Variants in RIMS2 observed in about 807,000 individuals in gnomAD.
RIMS2 encodes the protein regulating synaptic membrane exocytosis 2, also known as regulating synaptic membrane exocytosis protein 2.
A neutral mutation model predicts 174.4 loss-of-function variants in RIMS2; 59 were observed. The observed-to-expected ratio is 0.34, with a 90% CI of 0.27 to 0.42. RIMS2 has a LOEUF of 0.42. Among genes scored for constraint, RIMS2 ranks in the 10% least tolerant of loss-of-function variants. RIMS2 has a pLI of 1.00. For missense variants in RIMS2, 1,620 were observed against 1,666.3 expected (o/e 0.97, Z 0.48); for synonymous variants, 606 against 572.5 (o/e 1.06, Z -0.84).
intron 19 of RIMS2, among the ~76,000 whole-genome samples, chr8:104,243,787 C>G (rs1290538776): frequency 6.6e-6 from 1 of 152,122 alleles, no homozygotes; most frequent in Non-Finnish European, 1.5e-5. Context: ...TAGTTAAGCC[C>G]GACAAGAAGT....
chr8:103,838,373 T>C (rs2098917090), intron 3 of RIMS2, among the ~76,000 whole-genome samples: 1 of 152,188 alleles, frequency 6.6e-6, no homozygotes, highest in Admixed American at 6.5e-5. Flanking sequence ...GAAATTGTGA[T>C]TTAGAATTAA....
In RIMS2 at chr8:104,134,321, C is replaced by T. The variant is rs565829696; in HGVS notation, c.3335-110595C>T. Among the ~76,000 whole-genome samples the T allele has an allele frequency of 3.9e-5, 6 of 152,082 alleles. No homozygotes were observed. In the South Asian group the frequency reaches 1.2e-3, roughly 32 times the overall value. On this transcript the variant is annotated intron_variant, in intron 19 of 23. Transcript: ENST00000504942. ...CTCTACTAAAAATACAAAAATTAGC[C>T]GAGCATGGTGTTGAGCGCCTACAAT... is the stretch of plus-strand genomic sequence containing the variant.
chr8:103,656,259 G>A (rs1324263224), intron 1 of RIMS2, among the ~76,000 whole-genome samples: 1 of 151,984 alleles, frequency 6.6e-6, no homozygotes, highest in East Asian at 1.9e-4. Flanking sequence ...ACAGGTTGGA[G>A]GTATAAACTA....
intron 1 of RIMS2, among the ~76,000 whole-genome samples, chr8:103,575,390 T>G (rs2093140428): frequency 6.6e-6 from 1 of 152,096 alleles, no homozygotes; most frequent in Non-Finnish European, 1.5e-5. Flanking sequence ...CTACCAAAGC[T>G]GAACATATGA....
chr8:103,699,809 T>C (rs755022752), intron 2 of RIMS2, among the ~76,000 whole-genome samples: 6 of 152,190 alleles, frequency 3.9e-5, no homozygotes, highest in Non-Finnish European at 8.8e-5. Context: ...AAAAATACTT[T>C]CTCATTTTCC....
exon 19 of RIMS2, chr8:104,014,536 A>T: frequency 6.2e-7 from 1 of 1,612,650 alleles, no homozygotes. Context: ...CTGTCCAGAC[A>T]AGCCCATCAA....
chr8:103,557,595 A>G (rs1374387890), intron 1 of RIMS2, among the ~76,000 whole-genome samples: 1 of 152,192 alleles, frequency 6.6e-6, no homozygotes, highest in Non-Finnish European at 1.5e-5. Context: ...GAATGAAACT[A>G]TCAGATAAAC....
intron 19 of RIMS2, among the ~76,000 whole-genome samples, chr8:104,235,941 A>G (rs1347203948): frequency 6.6e-6 from 1 of 152,102 alleles, no homozygotes. Flanking sequence ...GGATTCAGTC[A>G]AGATTTATTC....
chr8:103,697,421 G>A, intron 2 of RIMS2, 125 bp downstream of exon 4: 1 of 806,968 alleles, frequency 1.2e-6, no homozygotes, highest in South Asian at 1.6e-5. Context: ...ATTTTAAAAT[G>A]CTTGTGGCCA....
chr8:103,514,480 C>T (rs1828004860), intron 1 of RIMS2, among the ~76,000 whole-genome samples: 1 of 152,088 alleles, frequency 6.6e-6, no homozygotes, highest in Admixed American at 6.6e-5. Context: ...TTAATCACAT[C>T]TTAAGTTACA....
At chr8:103,505,360 G>C (rs12114100) in intron 1 of RIMS2, among the ~76,000 whole-genome samples, 1 of 152,050 alleles carries the variant, frequency 6.6e-6, no homozygotes, top group Non-Finnish European at 1.5e-5. Context: ...AATGTGTCCT[G>C]CAGTTTGCTT....
At chr8:103,931,738 A>G (rs985956757) in intron 12 of RIMS2, among the ~76,000 whole-genome samples, 1 of 152,096 alleles carries the variant, frequency 6.6e-6, no homozygotes, top group African/African-American at 2.4e-5. Flanking sequence ...TTAGTCAAAA[A>G]TACTAGCTTT....
chr8:104,042,495 G>C lies in RIMS2; in HGVS notation c.3334+27880G>C, dbSNP rs141479983. Among the ~76,000 whole-genome samples the C allele has an allele frequency of 2.4e-3, 367 of 151,562 alleles. 2 individuals carry two copies. Among genetic ancestry groups the C allele is most frequent in the African/African-American group, 7.9e-3 (328 of 41,474 alleles). On this transcript the variant is annotated intron_variant, in intron 19 of 23. Transcript: ENST00000504942. ...AATGAATCAGTTAAGAAATGATAAT[G>C]GTCTGAATTAAGGTATCAGTAGAGG...
intron 19 of RIMS2, among the ~76,000 whole-genome samples, chr8:104,075,556 T>C (rs1159275650): frequency 6.6e-6 from 1 of 152,252 alleles, no homozygotes; most frequent in Non-Finnish European, 1.5e-5. Context: ...TGTCAGAGAC[T>C]ATGCCAGTGG....
chr8:104,169,003 G>T (rs186234625), intron 19 of RIMS2, among the ~76,000 whole-genome samples: 2 of 151,824 alleles, frequency 1.3e-5, no homozygotes, highest in African/African-American at 4.8e-5. Context: ...AAACCCACTC[G>T]ATCGTAGTGT....
chr8:104,233,721 AT>A (rs902193317), intron 19 of RIMS2, among the ~76,000 whole-genome samples: 51 of 152,126 alleles, frequency 3.4e-4, no homozygotes, highest in African/African-American at 1.0e-3. Context: ...GTAAGCTAGT[AT>A]TTTTTTTCTA....
At chr8:103,763,832 G>A (rs1349147319) in intron 2 of RIMS2, among the ~76,000 whole-genome samples, 1 of 152,158 alleles carries the variant, frequency 6.6e-6, no homozygotes, top group Admixed American at 6.6e-5. Context: ...TGTACAGTCA[G>A]CAGTTCACAC....
At chr8:103,615,659 A>G (rs1381377185) in intron 1 of RIMS2, among the ~76,000 whole-genome samples, 2 of 152,188 alleles carry the variant, frequency 1.3e-5, no homozygotes, top group African/African-American at 2.4e-5. Flanking sequence ...AGAACATCCA[A>G]ATAAACACAA....
At chr8:104,249,687 G>A in intron 22 of RIMS2, 99 bp downstream of exon 28, 1 of 675,458 alleles carries the variant, frequency 1.5e-6, no homozygotes, top group Non-Finnish European at 2.6e-6. Flanking sequence ...AGTTAATCAA[G>A]ATTACTAATG....
Sources: gnomAD v4.1 joint callset for allele counts (sites outside exome capture counted in the v4.1 genomes callset) on GRCh38, gnomAD v4.1.1 for gene constraint, MANE v1.5 for transcripts, NCBI Gene and HGNC (gene_info 2026-07-23, HGNC 2026-07-21) for gene names.